The following PCSK5 variants were observed in gnomAD, a reference collection of about 807,000 sequenced individuals.
The protein encoded by PCSK5 is prohormone convertase 5.
Under a neutral mutation model 233.2 loss-of-function variants are expected in PCSK5, and 129 were observed. The observed-to-expected ratio is 0.55, with a 90% CI of 0.48 to 0.64. PCSK5 has a LOEUF of 0.64. Ranked by LOEUF, PCSK5 falls within the 30% of genes least tolerant of loss-of-function variation. PCSK5 has a pLI of 0.00. For missense variants in PCSK5, 2,076 were observed against 2,430.1 expected, an observed-to-expected ratio of 0.85 and a Z score of 3.06; for synonymous variants, 825 against 879.2, an observed-to-expected ratio of 0.94 and a Z score of 1.09.
At chr9:76,284,892 G>T (rs1209007027) in intron 24 of PCSK5, among the ~76,000 whole-genome samples, 2 of 152,068 alleles carry the variant, frequency 1.3e-5, no homozygotes, top group Non-Finnish European at 2.9e-5. Flanking sequence ...GTATGAAAAT[G>T]CACTAATACA....
intron 5 of PCSK5, among the ~76,000 whole-genome samples, chr9:76,051,850 A>C (rs2131558103): frequency 6.6e-6 from 1 of 152,326 alleles, no homozygotes; most frequent in African/African-American, 2.4e-5. Context: ...ACATGGAGTA[A>C]AAACTAGTGG....
intron 24 of PCSK5, among the ~76,000 whole-genome samples, chr9:76,265,208 G>A (rs1827297663): frequency 6.6e-6 from 1 of 151,872 alleles, no homozygotes; most frequent in African/African-American, 2.4e-5. Context: ...TAAACATGGG[G>A]TACTCATGGA....
intron 1 of PCSK5, among the ~76,000 whole-genome samples, chr9:75,902,030 A>G (rs1826059049): frequency 6.6e-6 from 1 of 152,040 alleles, no homozygotes; most frequent in Non-Finnish European, 1.5e-5. Flanking sequence ...AGCCTGGCCA[A>G]CATGGCAAAA....
intron 24 of PCSK5, among the ~76,000 whole-genome samples, chr9:76,276,661 C>A (rs892425414): frequency 1.4e-4 from 22 of 152,172 alleles, no homozygotes; most frequent in African/African-American, 5.1e-4. Context: ...GATGTCAATT[C>A]TTGCAAGACA....
At chr9:75,959,673 G>A (rs1295463540) in intron 2 of PCSK5, among the ~76,000 whole-genome samples, 2 of 152,178 alleles carry the variant, frequency 1.3e-5, no homozygotes, top group African/African-American at 4.8e-5. Context: ...CCGACTCTGT[G>A]GCCACGGCAC....
intron 20 of PCSK5, chr9:76,193,547 A>AAAAT (rs987561688): frequency 7.9e-6 from 4 of 507,304 alleles, no homozygotes; most frequent in Middle Eastern, 5.2e-4. Context: ...AATGGAAAAA[A>AAAAT]AAATAAAACT....
At chr9:76,071,329 G>A (rs181499609) in intron 6 of PCSK5, among the ~76,000 whole-genome samples, 2 of 152,288 alleles carry the variant, frequency 1.3e-5, no homozygotes, top group East Asian at 3.9e-4. Context: ...GTATATGACT[G>A]CTAAGGTTAG....
intron 21 of PCSK5, among the ~76,000 whole-genome samples, chr9:76,228,133 C>A (rs1388002395): frequency 6.6e-6 from 1 of 152,094 alleles, no homozygotes; most frequent in Non-Finnish European, 1.5e-5. Flanking sequence ...CCACGCCTGG[C>A]TAACTTTTGT....
At chr9:75,951,882 T>G (rs1264922784) in intron 2 of PCSK5, among the ~76,000 whole-genome samples, 1 of 152,188 alleles carries the variant, frequency 6.6e-6, no homozygotes, top group African/African-American at 2.4e-5. Flanking sequence ...TACTCCTCCA[T>G]CGCAGTTGTG....
At position 76,266,412 on chromosome 9, in the gene PCSK5, C is replaced by T. The variant is rs987242770; in HGVS notation, c.3142+25728C>T. On this transcript the variant is annotated intron_variant, in intron 24 of 37. Transcript: ENST00000674117. ...AGGGATCATGGCAGCTTGGGTCAAT[C>T]ACAGAGGTCTCCAAATGTTTCTAAA... Among the ~76,000 whole-genome samples the T allele has an allele frequency of 7.2e-5, 11 of 152,304 alleles. No individual in the cohort carries two copies. The Middle Eastern group carries it at 0.01, about 141-fold the overall frequency.
At chr9:75,900,645 C>T (rs1825986314) in intron 1 of PCSK5, among the ~76,000 whole-genome samples, 1 of 146,038 alleles carries the variant, frequency 6.8e-6, no homozygotes, top group Non-Finnish European at 1.5e-5. Context: ...TGCCACTGCA[C>T]TCCAGCCTGG....
intron 24 of PCSK5, among the ~76,000 whole-genome samples, chr9:76,276,610 C>T (rs1827695045): frequency 6.6e-6 from 1 of 152,154 alleles, no homozygotes; most frequent in African/African-American, 2.4e-5. Context: ...CCCTCAGAAC[C>T]TCCCATGCTA....
chr9:76,223,186 A>G (rs948391332), intron 20 of PCSK5, among the ~76,000 whole-genome samples: 1 of 152,100 alleles, frequency 6.6e-6, no homozygotes, highest in African/African-American at 2.4e-5. Flanking sequence ...ATAAAATATC[A>G]TATTTATGTA....
intron 24 of PCSK5, among the ~76,000 whole-genome samples, chr9:76,260,326 C>A (rs923812076): frequency 2.0e-5 from 3 of 152,200 alleles, no homozygotes; most frequent in Non-Finnish European, 2.9e-5. Context: ...TGTAACCCTA[C>A]ACAGCAAGAG....
At chr9:76,020,124 T>C (rs1828118131) in intron 3 of PCSK5, among the ~76,000 whole-genome samples, 1 of 152,258 alleles carries the variant, frequency 6.6e-6, no homozygotes, top group Non-Finnish European at 1.5e-5. Flanking sequence ...GTTCCACCTC[T>C]GGCAGAGACC....
intron 10 of PCSK5, among the ~76,000 whole-genome samples, chr9:76,135,951 C>A (rs76024912): frequency 0.044 from 6,639 of 152,096 alleles, 204 homozygotes; most frequent in African/African-American, 0.083. Flanking sequence ...GAGGGGGAGA[C>A]AGAGGGTTTA....
At chr9:76,004,699 T>C (rs1827405258) in intron 3 of PCSK5, among the ~76,000 whole-genome samples, 1 of 152,214 alleles carries the variant, frequency 6.6e-6, no homozygotes, top group Non-Finnish European at 1.5e-5. Context: ...CTGACATTAC[T>C]GACTTTCTTT....
intron 11 of PCSK5, 72 bp downstream of exon 11, chr9:76,157,234 G>A (rs1822626593): frequency 1.1e-6 from 1 of 936,582 alleles, no homozygotes; most frequent in Non-Finnish European, 1.7e-6. Context: ...GCTCAAGACA[G>A]CCTCTTGTTG....
chr9:76,086,354 G>T (rs1831062310), intron 7 of PCSK5, among the ~76,000 whole-genome samples: 1 of 152,166 alleles, frequency 6.6e-6, no homozygotes, highest in South Asian at 2.1e-4. Flanking sequence ...TAGTCTGCCT[G>T]CCCCTCTTTC....
Sources: gnomAD v4.1 joint callset for allele counts (sites outside exome capture counted in the v4.1 genomes callset) on GRCh38, gnomAD v4.1.1 for gene constraint, MANE v1.5 for transcripts, NCBI Gene and HGNC (gene_info 2026-07-23, HGNC 2026-07-21) for gene names.